Variants in TLN2 observed in about 807,000 individuals in gnomAD.
The protein encoded by TLN2 is talin-2.
A neutral mutation model predicts 294.7 loss-of-function variants in TLN2; 118 were observed. That is an observed-to-expected ratio of 0.40 (90% CI 0.34 to 0.47). TLN2 has a LOEUF of 0.47. TLN2 is among the 20% of genes least tolerant of loss of function. The probability of loss-of-function intolerance (pLI) is 0.84; values close to 1 mark genes in which losing one functional copy is unlikely to be tolerated. For missense variants in TLN2, 3,083 were observed against 3,282.2 expected (o/e 0.94, Z 1.48); for synonymous variants, 1,431 against 1,304.5 (o/e 1.10, Z -2.09).
intron 1 of TLN2, among the ~76,000 whole-genome samples, chr15:62,575,986 A>G (rs2044361099): frequency 6.6e-6 from 1 of 152,216 alleles, no homozygotes; most frequent in Non-Finnish European, 1.5e-5. Context: ...GGTTAAAAAT[A>G]GGAATTGGGA....
At chr15:62,809,032 T>A (rs2141170158) in intron 51 of TLN2, among the ~76,000 whole-genome samples, 1 of 152,328 alleles carries the variant, frequency 6.6e-6, no homozygotes, top group East Asian at 1.9e-4. Context: ...TTGTCCTGAT[T>A]AGCAGTGTAT....
intron 42 of TLN2, 118 bp downstream of exon 42, chr15:62,771,252 T>A: frequency 8.6e-7 from 1 of 1,165,740 alleles, no homozygotes; most frequent in Non-Finnish European, 1.1e-6. Flanking sequence ...GCATTTGAGC[T>A]CCCACTCTGA....
At chr15:62,739,947 A>G (rs975708117) in intron 31 of TLN2, among the ~76,000 whole-genome samples, 1 of 152,084 alleles carries the variant, frequency 6.6e-6, no homozygotes, top group African/African-American at 2.4e-5. Context: ...CAGAGTGTCA[A>G]GTGATTAAAA....
At chr15:62,668,014 A>C (rs951257842) in intron 9 of TLN2, among the ~76,000 whole-genome samples, 1 of 152,178 alleles carries the variant, frequency 6.6e-6, no homozygotes, top group African/African-American at 2.4e-5. Flanking sequence ...CAAAGAACTC[A>C]AATACATAGA....
intron 31 of TLN2, 124 bp from the exon 32 acceptor site, chr15:62,740,506 C>A: frequency 7.7e-7 from 1 of 1,301,138 alleles, no homozygotes; most frequent in South Asian, 1.4e-5. Context: ...TGCGGGCTAA[C>A]TGGGTTTAAT....
At chr15:62,473,851 TG>T (rs1224051938) in intron 1 of TLN2, among the ~76,000 whole-genome samples, 1 of 152,182 alleles carries the variant, frequency 6.6e-6, no homozygotes, top group Admixed American at 6.5e-5. Context: ...CCCAGCACTT[TG>T]GGAGGCCGAG....
At chr15:62,432,898 C>T (rs1022376574) in intron 1 of TLN2, among the ~76,000 whole-genome samples, 5 of 152,080 alleles carry the variant, frequency 3.3e-5, no homozygotes, top group African/African-American at 9.7e-5. Context: ...GTGTCTGTGC[C>T]CTATTTTCCT....
Position 62,836,838 on chromosome 15 carries a change from G to A in TLN2, c.7374+765G>A, listed in dbSNP as rs2069688874. ...ACATATAAAATAATTTTGTCCAGTT[G>A]TAATCATGGCGAGATACATTCTGCT... On this transcript the variant is annotated intron_variant, in intron 57 of 58. Transcript: ENST00000636159. Among the ~76,000 whole-genome samples, 3 of 152,232 alleles carry A rather than the reference G, an allele frequency of 2.0e-5. No homozygotes were observed. The South Asian group carries it at 6.2e-4, about 32-fold the overall frequency.
At chr15:62,822,809 T>C (rs557525223) in intron 54 of TLN2, among the ~76,000 whole-genome samples, 17 of 152,212 alleles carry the variant, frequency 1.1e-4, no homozygotes, top group Non-Finnish European at 2.1e-4. Flanking sequence ...TGCAGAATTA[T>C]GTACTTATTA....
At chr15:62,795,407 G>C (rs1388489163) in intron 46 of TLN2, among the ~76,000 whole-genome samples, 1 of 152,198 alleles carries the variant, frequency 6.6e-6, no homozygotes, top group Non-Finnish European at 1.5e-5. Context: ...TATGTCATAG[G>C]AAAGTACCTC....
intron 1 of TLN2, among the ~76,000 whole-genome samples, chr15:62,501,865 T>C (rs996840740): frequency 6.6e-6 from 1 of 152,210 alleles, no homozygotes; most frequent in Non-Finnish European, 1.5e-5. Flanking sequence ...TTTGAGATGA[T>C]TATTTCCAAG....
Position 62,795,240 on chromosome 15 carries a change from G to T in TLN2, c.5884-887G>T, listed in dbSNP as rs149184251. Among the ~76,000 whole-genome samples the T allele has an allele frequency of 3.6e-3, 543 of 152,252 alleles. 1 individual carries two copies. Among genetic ancestry groups the T allele is most frequent in the Non-Finnish European group, 5.1e-3 (350 of 68,020 alleles). On this transcript the variant is annotated intron_variant, in intron 46 of 58. Transcript: ENST00000636159. Reference sequence around the variant, plus strand: ...TGGCTGCGGGAGAGGGGCAGGAGTCGTTGCAGGCAGAGCGCAGACCCAGGG... The same window carrying T: ...TGGCTGCGGGAGAGGGGCAGGAGTCTTTGCAGGCAGAGCGCAGACCCAGGG...
At chr15:62,489,515 A>G (rs2038591733) in intron 1 of TLN2, among the ~76,000 whole-genome samples, 1 of 152,126 alleles carries the variant, frequency 6.6e-6, no homozygotes. Flanking sequence ...TTATTTTTTA[A>G]CACTCTCCTT....
chr15:62,723,635 C>T (rs1262819021), intron 26 of TLN2, among the ~76,000 whole-genome samples: 1 of 146,564 alleles, frequency 6.8e-6, no homozygotes, highest in African/African-American at 2.5e-5. Flanking sequence ...CCTCAATCTG[C>T]TGAACTTAAG....
chr15:62,684,781 T>C (rs77480882), intron 11 of TLN2, among the ~76,000 whole-genome samples: 1 of 151,826 alleles, frequency 6.6e-6, no homozygotes, highest in Non-Finnish European at 1.5e-5. Flanking sequence ...CTCACCACTG[T>C]TGGCTTTGGT....
intron 54 of TLN2, chr15:62,827,622 C>T (rs756030093): frequency 1.2e-4 from 19 of 152,116 alleles, no homozygotes; most frequent in Non-Finnish European, 2.4e-4. Flanking sequence ...TGGTACCTGA[C>T]GCTTACTGAT....
chr15:62,776,499 A>G (rs1048072724), intron 42 of TLN2, among the ~76,000 whole-genome samples: 1 of 152,220 alleles, frequency 6.6e-6, no homozygotes, highest in South Asian at 2.1e-4. Flanking sequence ...ACATAGTAAC[A>G]TATAAAATTG....
intron 51 of TLN2, among the ~76,000 whole-genome samples, chr15:62,806,658 C>G (rs186224096): frequency 6.6e-6 from 1 of 152,128 alleles, no homozygotes; most frequent in Non-Finnish European, 1.5e-5. Context: ...CTGTGGAGAC[C>G]CAGGGCCTGG....
intron 1 of TLN2, among the ~76,000 whole-genome samples, chr15:62,464,653 A>G (rs1253089369): frequency 3.9e-5 from 6 of 152,088 alleles, no homozygotes; most frequent in Non-Finnish European, 8.8e-5. Context: ...TAGGGTACCC[A>G]AATACTTTTT....
Sources: gnomAD v4.1 joint callset for allele counts (sites outside exome capture counted in the v4.1 genomes callset) on GRCh38, gnomAD v4.1.1 for gene constraint, MANE v1.5 for transcripts, NCBI Gene and HGNC (gene_info 2026-07-23, HGNC 2026-07-21) for gene names.